Variants in ENTPD1 observed in about 807,000 individuals in gnomAD.
ENTPD1 encodes the protein ATP diphosphohydrolase.
Under a neutral mutation model 57.0 loss-of-function variants are expected in ENTPD1, and 33 were observed. The observed-to-expected ratio is 0.58, with a 90% CI of 0.44 to 0.77. The LOEUF (loss-of-function observed/expected upper bound fraction) is 0.77. Among genes scored for constraint, ENTPD1 ranks in the 30% least tolerant of loss-of-function variants. ENTPD1 has a pLI of 0.00. For synonymous variants in ENTPD1, 202 were observed against 218.8 expected, an observed-to-expected ratio of 0.92 and a Z score of 0.68; for missense variants, 501 against 603.4, an observed-to-expected ratio of 0.83 and a Z score of 1.78.
Position 95,872,407 on chromosome 10 carries a change from G to C in ENTPD1, c.*6024G>C, listed in dbSNP as rs993051584. Reference sequence around the variant, plus strand: ...ACTACACTATACTACACTACAGCCAGGTAGAATGACTGTTCACCCAACACC... The same window carrying C: ...ACTACACTATACTACACTACAGCCACGTAGAATGACTGTTCACCCAACACC... On this transcript the variant is annotated 3_prime_UTR_variant, in exon 10 of 10. Coordinates refer to ENST00000371205, the MANE Select transcript of ENTPD1 (RefSeq NM_001776.6). 1 of 985,270 alleles carries C rather than the reference G, an allele frequency of 1.0e-6. No individual in the cohort carries two copies. Among genetic ancestry groups the C allele is most frequent in the South Asian group, 4.7e-5 (1 of 21,290 alleles). The allele number at this position is 985,270 out of a possible 1,614,324, so 61.0% of individuals were successfully genotyped here. A position where few individuals can be genotyped will look rare whatever the true frequency, so the allele number is the denominator to read the frequency against.
chr10:95,870,786 T>C lies in ENTPD1; in HGVS notation c.*4403T>C, dbSNP rs2098479510. On this transcript the variant is annotated 3_prime_UTR_variant, in exon 10 of 10. Coordinates refer to ENST00000371205, the MANE Select transcript of ENTPD1 (RefSeq NM_001776.6). ...GACAGCTGCTCATAACTAGCTTTGCTTACTAACCATGTTTCTTTCCATTTG... is the reference window on the plus strand; with the variant it reads ...GACAGCTGCTCATAACTAGCTTTGCCTACTAACCATGTTTCTTTCCATTTG... 2.0e-6 allele frequency: 2 copies of C among 985,456 alleles called. No homozygotes were observed. Among genetic ancestry groups the C allele is most frequent in the African/African-American group, 3.5e-5 (2 of 57,376 alleles). 61.0% of individuals were successfully genotyped at this position (985,456 alleles called of 1,614,324 possible).
Position 95,871,868 on chromosome 10 carries a change from C to A in ENTPD1, c.*5485C>A. 2 of 985,216 alleles carry A rather than the reference C, an allele frequency of 2.0e-6. No individual in the cohort carries two copies. Among genetic ancestry groups the A allele is most frequent in the African/African-American group, 3.5e-5 (2 of 57,326 alleles). The allele number at this position is 985,216 out of a possible 1,614,324, so 61.0% of individuals were successfully genotyped here. On this transcript the variant is annotated 3_prime_UTR_variant, in exon 10 of 10. Transcript: ENST00000371205. ...TACTCTCATCTAAGAAATAACATCACCTCTTCTAATGAAGTTCTAAGAAGA... is the reference window on the plus strand; with the variant it reads ...TACTCTCATCTAAGAAATAACATCAACTCTTCTAATGAAGTTCTAAGAAGA...
Position 95,872,461 on chromosome 10 carries a change from C to T in ENTPD1, c.*6078C>T. 2 of 985,304 alleles carry T rather than the reference C, an allele frequency of 2.0e-6. No homozygotes were observed. Among genetic ancestry groups the T allele is most frequent in the Non-Finnish European group, 2.4e-6 (2 of 829,790 alleles). The allele number at this position is 985,304 out of a possible 1,614,324, so 61.0% of individuals were successfully genotyped here. On this transcript the variant is annotated 3_prime_UTR_variant, in exon 10 of 10. Coordinates refer to ENST00000371205, the MANE Select transcript of ENTPD1 (RefSeq NM_001776.6). The stretch of plus-strand genomic sequence containing the variant: ...CAGGTTGTCTTCTCAACTTGGAATA[C>T]TCTTGCACCTTCAAAGCTCATTTCA...
At position 95,763,113 on chromosome 10, in the gene ENTPD1, C is replaced by T. The variant is rs1021105443; in HGVS notation, c.16+6858C>T. ...ATTTATTTATTTATTTTTGTTATGA[C>T]GGGGTTTCACCATGTTGCCCAGGCT... is the stretch of plus-strand genomic sequence containing the variant. On this transcript the variant is annotated intron_variant, in intron 1 of 9. Coordinates refer to ENST00000371205, the MANE Select transcript of ENTPD1 (RefSeq NM_001776.6). 5.9e-5 allele frequency among the ~76,000 whole-genome samples: 9 copies of T among 151,736 alleles called. No homozygotes were observed. In the East Asian group the frequency reaches 7.7e-4, roughly 13 times the overall value.
At chr10:95,841,472 AAG>A (rs1431618957) in intron 3 of ENTPD1, among the ~76,000 whole-genome samples, 1 of 152,178 alleles carries the variant, frequency 6.6e-6, no homozygotes, top group African/African-American at 2.4e-5. Flanking sequence ...TCCCTCTCAA[AAG>A]AGAGAGTTCT....
intron 1 of ENTPD1, among the ~76,000 whole-genome samples, chr10:95,757,634 T>A (rs956494300): frequency 6.6e-6 from 1 of 152,144 alleles, no homozygotes; most frequent in East Asian, 1.9e-4. Flanking sequence ...ATTGTTATTA[T>A]GGTCTTTTGC....
chr10:95,750,663 A>G (rs1028864688), upstream of ENTPD1, among the ~76,000 whole-genome samples: 2 of 152,206 alleles, frequency 1.3e-5, no homozygotes, highest in Admixed American at 1.3e-4. Flanking sequence ...GAGTCATGAA[A>G]GATATATAGG....
intron 1 of ENTPD1, among the ~76,000 whole-genome samples, chr10:95,801,496 A>G (rs1356232122): frequency 1.3e-5 from 2 of 152,110 alleles, no homozygotes; most frequent in Non-Finnish European, 2.9e-5. Context: ...TTTATCCAAG[A>G]TCAGGTGGTT....
At chr10:95,704,822 T>G in the ENTPD1 span, among the ~76,000 whole-genome samples, 1 of 151,636 alleles carries the variant, frequency 6.6e-6, no homozygotes, top group Non-Finnish European at 1.5e-5. Flanking sequence ...AAGACAGTAT[T>G]AAGAGAGTAA....
At chr10:95,789,666 C>A (rs923803160) in intron 1 of ENTPD1, among the ~76,000 whole-genome samples, 7 of 152,112 alleles carry the variant, frequency 4.6e-5, no homozygotes, top group Admixed American at 6.5e-5. Flanking sequence ...ATTAATCTAT[C>A]ATTACTACCA....
chr10:95,825,378 C>CT (rs1212549511), intron 2 of ENTPD1, among the ~76,000 whole-genome samples: 4 of 152,288 alleles, frequency 2.6e-5, no homozygotes, highest in Middle Eastern at 3.4e-3. Context: ...AACAAAAAAA[C>CT]TTTTTTTCTT....
At chr10:95,695,666 A>G in the ENTPD1 span, among the ~76,000 whole-genome samples, 1 of 152,202 alleles carries the variant, frequency 6.6e-6, no homozygotes. Flanking sequence ...AGTAATTTCT[A>G]TAGGAAAAGG....
At chr10:95,838,973 A>C (rs190227631) in intron 2 of ENTPD1, among the ~76,000 whole-genome samples, 1 of 152,280 alleles carries the variant, frequency 6.6e-6, no homozygotes, top group African/African-American at 2.4e-5. Flanking sequence ...AAAAACATGA[A>C]GTTTAAGTAC....
chr10:95,851,270 T>C (rs2098444556), intron 7 of ENTPD1, among the ~76,000 whole-genome samples: 1 of 151,922 alleles, frequency 6.6e-6, no homozygotes, highest in Non-Finnish European at 1.5e-5. Flanking sequence ...ATATTTTTGT[T>C]GGTACAAAAG....
chr10:95,707,582 G>A (rs560009003), upstream of ENTPD1, among the ~76,000 whole-genome samples: 79 of 152,202 alleles, frequency 5.2e-4, no homozygotes, highest in African/African-American at 1.8e-3. Context: ...ACATGGGCAG[G>A]CTCACTTTTT....
chr10:95,872,459 T>C lies in ENTPD1; in HGVS notation c.*6076T>C. 7 of 985,364 alleles carry C rather than the reference T, an allele frequency of 7.1e-6. No homozygotes were observed. Among genetic ancestry groups the C allele is most frequent in the Non-Finnish European group, 8.4e-6 (7 of 829,844 alleles). 61.0% of individuals were successfully genotyped at this position (985,364 alleles called of 1,614,324 possible). ...CTCAGGTTGTCTTCTCAACTTGGAATACTCTTGCACCTTCAAAGCTCATTT... is the reference window on the plus strand; with the variant it reads ...CTCAGGTTGTCTTCTCAACTTGGAACACTCTTGCACCTTCAAAGCTCATTT... On this transcript the variant is annotated 3_prime_UTR_variant, in exon 10 of 10. Transcript: ENST00000371205.
At position 95,866,417 on chromosome 10, in the gene ENTPD1, G is replaced by GA. The variant is rs1398119268; in HGVS notation, c.*41dup. The GA allele has an allele frequency of 1.9e-6, 3 of 1,612,394 alleles. No homozygotes were observed. The highest frequency in any genetic ancestry group is 1.1e-5 in the South Asian group (1 of 90,716). ...GCTGAAATATGCTGGCTGGAGTGAG[G>GA]AAAAAAATCGTCCAGGGAGCATTTT... On this transcript the variant is annotated 3_prime_UTR_variant, in exon 10 of 10. Coordinates refer to ENST00000371205, the MANE Select transcript of ENTPD1 (RefSeq NM_001776.6).
At chr10:95,736,714 C>T (rs1414509508) in intron 1 of ENTPD1, among the ~76,000 whole-genome samples, 1 of 152,142 alleles carries the variant, frequency 6.6e-6, no homozygotes, top group African/African-American at 2.4e-5. Context: ...GCAAATGACC[C>T]TCAGGTTACT....
At chr10:95,763,458 A>G (rs1291635185) in intron 1 of ENTPD1, among the ~76,000 whole-genome samples, 2 of 152,204 alleles carry the variant, frequency 1.3e-5, no homozygotes, top group Non-Finnish European at 2.9e-5. Flanking sequence ...TTTCCTTGTA[A>G]CTAAGCATAT....
Sources: gnomAD v4.1 joint callset for allele counts (sites outside exome capture counted in the v4.1 genomes callset) on GRCh38, gnomAD v4.1.1 for gene constraint, MANE v1.5 for transcripts, NCBI Gene and HGNC (gene_info 2026-07-23, HGNC 2026-07-21) for gene names.